Variants in HCRTR2 observed in about 807,000 individuals in gnomAD.
HCRTR2 encodes the protein orexin receptor type 2.
Under a neutral mutation model 49.0 loss-of-function variants are expected in HCRTR2, and 22 were observed. The observed-to-expected ratio is 0.45, with a 90% confidence interval of 0.32 to 0.64. The LOEUF (loss-of-function observed/expected upper bound fraction) is 0.64, where lower values mean the gene tolerates loss of function less well. Among genes scored for constraint, HCRTR2 ranks in the 30% least tolerant of loss-of-function variants. The pLI, the probability that HCRTR2 is intolerant of heterozygous loss-of-function variation, is 0.04. For synonymous variants in HCRTR2, 236 were observed against 205.3 expected (o/e 1.15, Z -1.28); for missense variants, 491 against 559.4 (o/e 0.88, Z 1.23).
At chr6:55,188,953 T>C (rs1380001650) in intron 1 of HCRTR2, among the ~76,000 whole-genome samples, 5 of 152,234 alleles carry the variant, frequency 3.3e-5, no homozygotes, top group African/African-American at 1.2e-4. Context: ...GGTGAAGTAC[T>C]AAGATTAAAT....
chr6:55,119,426 C>T (rs1169535878), intron 1 of HCRTR2, among the ~76,000 whole-genome samples: 3 of 152,126 alleles, frequency 2.0e-5, no homozygotes, highest in African/African-American at 7.2e-5. Flanking sequence ...TATTTCTCCA[C>T]GTCCTCTCCA....
At chr6:55,242,420 G>A (rs1367070542) in intron 1 of HCRTR2, among the ~76,000 whole-genome samples, 1 of 152,022 alleles carries the variant, frequency 6.6e-6, no homozygotes, top group Non-Finnish European at 1.5e-5. Context: ...TGTCTGATAT[G>A]ATTGCTCTGA....
At chr6:55,145,409 T>TG (rs202193919) in intron 1 of HCRTR2, among the ~76,000 whole-genome samples, 7 of 82,434 alleles carry the variant, frequency 8.5e-5, no homozygotes, top group Non-Finnish European at 9.2e-5. Context: ...TTTTTTGTTT[T>TG]TTTGTTTGTT....
At chr6:55,216,859 G>T (rs1765796159) in intron 1 of HCRTR2, among the ~76,000 whole-genome samples, 1 of 152,182 alleles carries the variant, frequency 6.6e-6, no homozygotes, top group Non-Finnish European at 1.5e-5. Context: ...CTCAGCCATG[G>T]CTCTGTCCCT....
intron 3 of HCRTR2, among the ~76,000 whole-genome samples, chr6:55,260,314 T>G (rs968109042): frequency 3.3e-5 from 5 of 152,134 alleles, no homozygotes; most frequent in Admixed American, 3.3e-4. Flanking sequence ...TCAAAACAAA[T>G]AAAAGTTCAA....
chr6:55,178,814 C>T (rs1448778000), intron 1 of HCRTR2, among the ~76,000 whole-genome samples: 1 of 152,212 alleles, frequency 6.6e-6, no homozygotes, highest in Non-Finnish European at 1.5e-5. Flanking sequence ...AAAGCCATTC[C>T]TAACTATTGG....
At chr6:55,227,970 T>A (rs1211811811) in intron 1 of HCRTR2, among the ~76,000 whole-genome samples, 1 of 152,108 alleles carries the variant, frequency 6.6e-6, no homozygotes, top group Non-Finnish European at 1.5e-5. Flanking sequence ...CAAGCACTGG[T>A]TATAGTCTGA....
At chr6:55,149,480 T>C (rs905014822) in intron 1 of HCRTR2, among the ~76,000 whole-genome samples, 1 of 152,142 alleles carries the variant, frequency 6.6e-6, no homozygotes, top group African/African-American at 2.4e-5. Context: ...CTTTCTGTTC[T>C]CTTCTTTCTA....
At chr6:55,256,308 A>T (rs1309009428) in intron 3 of HCRTR2, among the ~76,000 whole-genome samples, 1 of 152,112 alleles carries the variant, frequency 6.6e-6, no homozygotes, top group Non-Finnish European at 1.5e-5. Context: ...TATTAGAAAG[A>T]TGTATCAAAA....
At chr6:55,198,939 A>T (rs1765463862) in intron 1 of HCRTR2, among the ~76,000 whole-genome samples, 1 of 152,190 alleles carries the variant, frequency 6.6e-6, no homozygotes, top group African/African-American at 2.4e-5. Flanking sequence ...GGCCTGTAAC[A>T]CAATAGGATC....
intron 1 of HCRTR2, among the ~76,000 whole-genome samples, chr6:55,236,366 T>C (rs1308039236): frequency 6.6e-6 from 1 of 152,056 alleles, no homozygotes; most frequent in Non-Finnish European, 1.5e-5. Flanking sequence ...TGTGCTCTTA[T>C]GTTACATATT....
At chr6:55,257,707 C>G (rs1457212944) in intron 3 of HCRTR2, among the ~76,000 whole-genome samples, 1 of 151,460 alleles carries the variant, frequency 6.6e-6, no homozygotes, top group East Asian at 1.9e-4. Flanking sequence ...TTACATAACT[C>G]TAGCATGGAC....
intron 2 of HCRTR2, among the ~76,000 whole-genome samples, chr6:55,249,615 C>G (rs1254479930): frequency 6.6e-6 from 1 of 152,100 alleles, no homozygotes; most frequent in Admixed American, 6.6e-5. Context: ...GCATCAGAAT[C>G]ATCATTACTA....
At chr6:55,244,391 C>T (rs9475214) in intron 1 of HCRTR2, among the ~76,000 whole-genome samples, 50,343 of 151,580 alleles carry the variant, frequency 0.33, 8,923 homozygotes, top group African/African-American at 0.45. Context: ...ACAGGCACAA[C>T]GCATGGGGAA....
At chr6:55,184,330 GT>G (rs930186198) in intron 1 of HCRTR2, among the ~76,000 whole-genome samples, 4 of 152,060 alleles carry the variant, frequency 2.6e-5, no homozygotes, top group Admixed American at 2.0e-4. Context: ...ATTCTACATG[GT>G]TTTTTACTAA....
intron 3 of HCRTR2, among the ~76,000 whole-genome samples, chr6:55,259,671 T>A (rs950689258): frequency 6.7e-6 from 1 of 148,226 alleles, no homozygotes; most frequent in Admixed American, 6.7e-5. Context: ...TATATATATA[T>A]AAAATTTATT....
At chr6:55,239,714 G>A (rs1766284283) in intron 1 of HCRTR2, among the ~76,000 whole-genome samples, 1 of 151,296 alleles carries the variant, frequency 6.6e-6, no homozygotes, top group Non-Finnish European at 1.5e-5. Flanking sequence ...TTCTTTTCTT[G>A]AGGAAATAAA....
chr6:55,145,648 C>T (rs1764571339), intron 1 of HCRTR2, among the ~76,000 whole-genome samples: 1 of 152,138 alleles, frequency 6.6e-6, no homozygotes, highest in South Asian at 2.1e-4. Context: ...ATCTCCTGAC[C>T]TCGTGATCTG....
chr6:55,191,558 T>C (rs1412038229), intron 1 of HCRTR2, among the ~76,000 whole-genome samples: 1 of 152,164 alleles, frequency 6.6e-6, no homozygotes, highest in Admixed American at 6.6e-5. Flanking sequence ...GAAATACTGG[T>C]GCTGATTTAG....
Sources: allele counts gnomAD v4.1 joint callset (sites outside exome capture counted in the v4.1 genomes callset), GRCh38; gene constraint gnomAD v4.1.1; transcripts MANE v1.5; gene names NCBI Gene and HGNC (gene_info 2026-07-23, HGNC 2026-07-21).